Variants in IL1RAPL2 observed in about 807,000 individuals in gnomAD.
The protein encoded by IL1RAPL2 is X-linked interleukin-1 receptor accessory protein-like 2.
Under a neutral mutation model 44.1 loss-of-function variants are expected in IL1RAPL2, and 3 were observed. The ratio of observed to expected loss-of-function variants is 0.07; its 90% CI spans 0.03 to 0.18. The LOEUF (loss-of-function observed/expected upper bound fraction) is 0.18. Ranked by LOEUF, IL1RAPL2 falls within the 10% of genes least tolerant of loss-of-function variation. The probability of loss-of-function intolerance (pLI) is 1.00; values close to 1 mark genes in which losing one functional copy is unlikely to be tolerated. For synonymous variants in IL1RAPL2, 181 were observed against 178.8 expected (o/e 1.01, Z -0.10); for missense variants, 391 against 496.4 (o/e 0.79, Z 2.02).
intron 4 of IL1RAPL2, among the ~76,000 whole-genome samples, chrX:105,238,731 T>A (rs2034143234): frequency 9.0e-6 from 1 of 110,960 alleles, no homozygotes; most frequent in South Asian, 3.9e-4. Flanking sequence ...ATAATTTTGT[T>A]TAAAAATTCC....
chrX:104,930,732 G>A (rs1356184167), intron 2 of IL1RAPL2, among the ~76,000 whole-genome samples: 2 of 111,593 alleles, frequency 1.8e-5, no homozygotes, highest in Non-Finnish European at 3.8e-5. Context: ...GAGAACTTAC[G>A]ATGAGCCAGT....
chrX:105,051,341 G>T (rs2031921712), intron 2 of IL1RAPL2, among the ~76,000 whole-genome samples: 1 of 112,641 alleles, frequency 8.9e-6, no homozygotes. Flanking sequence ...CACAGGTCCT[G>T]TGCCTCGGAG....
intron 2 of IL1RAPL2, among the ~76,000 whole-genome samples, chrX:105,069,007 G>T (rs2032173299): frequency 8.9e-6 from 1 of 112,126 alleles, no homozygotes; most frequent in Admixed American, 9.4e-5. Context: ...TAGCCAAATT[G>T]CTCCCTGGCC....
At chrX:104,709,050 G>A (rs1931408440) in intron 2 of IL1RAPL2, among the ~76,000 whole-genome samples, 1 of 111,352 alleles carries the variant, frequency 9.0e-6, no homozygotes, top group African/African-American at 3.3e-5. Context: ...CATGTTATAA[G>A]GAAGATCTAT....
intron 2 of IL1RAPL2, among the ~76,000 whole-genome samples, chrX:104,875,138 C>T (rs1299318195): frequency 1.8e-5 from 2 of 111,833 alleles, no homozygotes; most frequent in Non-Finnish European, 3.8e-5. Context: ...CAATTCTCAG[C>T]ACCAACCTGA....
At chrX:104,985,245 G>A (rs2030539452) in intron 2 of IL1RAPL2, among the ~76,000 whole-genome samples, 1 of 109,600 alleles carries the variant, frequency 9.1e-6, no homozygotes, top group South Asian at 4.0e-4. Context: ...GTGCCACCAT[G>A]CCCAGCTAAT....
chrX:105,752,706 T>G (rs2038606560), intron 9 of IL1RAPL2, among the ~76,000 whole-genome samples: 1 of 112,449 alleles, frequency 8.9e-6, no homozygotes, highest in Admixed American at 9.4e-5. Context: ...TCTATCTTGC[T>G]CCTCTTTGTG....
chrX:105,534,103 G>A (rs1363012315), intron 6 of IL1RAPL2, among the ~76,000 whole-genome samples: 1 of 111,832 alleles, frequency 8.9e-6, no homozygotes, highest in African/African-American at 3.2e-5. Flanking sequence ...GTGTTGGGTC[G>A]GAATAAACAT....
intron 6 of IL1RAPL2, among the ~76,000 whole-genome samples, chrX:105,572,504 TAA>T (rs1251808706): frequency 8.9e-6 from 1 of 112,054 alleles, no homozygotes; most frequent in Non-Finnish European, 1.9e-5. Context: ...TTATTTTAAG[TAA>T]ACTCAACTTT....
At chrX:104,717,255 G>T (rs1931586632) in intron 2 of IL1RAPL2, among the ~76,000 whole-genome samples, 1 of 110,435 alleles carries the variant, frequency 9.1e-6, no homozygotes, top group Non-Finnish European at 1.9e-5. Flanking sequence ...AAGACACATT[G>T]GGGCCTATCA....
At chrX:105,707,139 C>A (rs1398908601) in intron 6 of IL1RAPL2, among the ~76,000 whole-genome samples, 3 of 111,783 alleles carry the variant, frequency 2.7e-5, no homozygotes, top group Non-Finnish European at 1.9e-5. Flanking sequence ...CATTGAGGTT[C>A]TTTTCTCCCA....
intron 2 of IL1RAPL2, among the ~76,000 whole-genome samples, chrX:104,874,279 C>CCTCTCTCTCTCTCTCTCTCTCTCT (rs59789265): frequency 2.5e-4 from 19 of 76,310 alleles, no homozygotes; most frequent in Non-Finnish European, 4.1e-4. Context: ...TGTCTGTATT[C>CCTCTCTCTCTCTCTCTCTCTCTCT]CTCTCTCTCT....
chrX:104,579,217 A>G (rs1360995120), intron 1 of IL1RAPL2, among the ~76,000 whole-genome samples: 1 of 111,895 alleles, frequency 8.9e-6, no homozygotes, highest in Non-Finnish European at 1.9e-5. Flanking sequence ...AAGCAAAAAT[A>G]CCATTCAACT....
intron 2 of IL1RAPL2, among the ~76,000 whole-genome samples, chrX:104,983,319 G>A (rs1178350666): frequency 7.8e-5 from 8 of 103,144 alleles, no homozygotes; most frequent in African/African-American, 2.9e-4. Flanking sequence ...AGCTAGAATT[G>A]TGTCCGGAAT....
At chrX:105,657,847 T>C (rs2147845785) in intron 6 of IL1RAPL2, among the ~76,000 whole-genome samples, 1 of 110,480 alleles carries the variant, frequency 9.1e-6, no homozygotes, top group East Asian at 2.9e-4. Flanking sequence ...ACTCCTGACC[T>C]CAGGTGATCC....
chrX:105,066,361 G>A (rs2032137398), intron 2 of IL1RAPL2, among the ~76,000 whole-genome samples: 1 of 111,133 alleles, frequency 9.0e-6, no homozygotes, highest in Non-Finnish European at 1.9e-5. Flanking sequence ...ACAGTTCCTT[G>A]AAACAAAACC....
At chrX:104,955,509 ATATG>A (rs1334821174) in intron 2 of IL1RAPL2, among the ~76,000 whole-genome samples, 1 of 106,996 alleles carries the variant, frequency 9.3e-6, no homozygotes, top group East Asian at 2.8e-4. Flanking sequence ...ACTCCCATAT[ATATG>A]TATTATACTC....
At chrX:104,769,974 G>A (rs1406161928) in intron 2 of IL1RAPL2, among the ~76,000 whole-genome samples, 1 of 111,926 alleles carries the variant, frequency 8.9e-6, no homozygotes, top group Admixed American at 9.5e-5. Flanking sequence ...TTGGACACAT[G>A]CTGTGTCATT....
At chrX:105,732,172 T>C (rs2038411559) in intron 7 of IL1RAPL2, among the ~76,000 whole-genome samples, 1 of 111,959 alleles carries the variant, frequency 8.9e-6, no homozygotes, top group African/African-American at 3.2e-5. Flanking sequence ...TATTATTTGT[T>C]TCCTTTTTTG....
Sources: allele counts gnomAD v4.1 joint callset (sites outside exome capture counted in the v4.1 genomes callset), GRCh38; gene constraint gnomAD v4.1.1; transcripts MANE v1.5; gene names NCBI Gene and HGNC (gene_info 2026-07-23, HGNC 2026-07-21).